ATP8A1: variants seen among roughly 807,000 people sequenced by gnomAD.
ATP8A1 encodes the protein phospholipid-transporting ATPase IA.
A neutral mutation model predicts 177.7 loss-of-function variants in ATP8A1; 90 were observed. That is an observed-to-expected ratio of 0.51 (90% CI 0.43 to 0.60). The LOEUF (loss-of-function observed/expected upper bound fraction) is 0.60, where lower values mean the gene tolerates loss of function less well. Among genes scored for constraint, ATP8A1 ranks in the 20% least tolerant of loss-of-function variants. The pLI is 0.00. For synonymous variants in ATP8A1, 493 were observed against 485.9 expected (o/e 1.01, Z -0.19); for missense variants, 1,072 against 1,392.8 (o/e 0.77, Z 3.67).
At chr4:42,594,467 C>T (rs888227754) in intron 6 of ATP8A1, 4 of 654,822 alleles carry the variant, frequency 6.1e-6, no homozygotes, top group Non-Finnish European at 1.1e-5. Context: ...TGGTTATCGG[C>T]AAACAAGAAC....
Position 42,411,382 on chromosome 4 carries a change from T to A in ATP8A1, c.*1534A>T, listed in dbSNP as rs1367036795. On this transcript the variant is annotated 3_prime_UTR_variant, in exon 37 of 37. Coordinates refer to ENST00000381668, the MANE Select transcript of ATP8A1 (RefSeq NM_006095.2). ...TCACCTCTTCTCAATTCTAGTTGACTTTTTTTAAAAGAGAAAGTTCTACCT... is the reference window on the plus strand; with the variant it reads ...TCACCTCTTCTCAATTCTAGTTGACATTTTTTAAAAGAGAAAGTTCTACCT... The A allele has an allele frequency of 6.6e-6, 1 of 152,130 alleles. No individual in the cohort carries two copies. Among genetic ancestry groups the A allele is most frequent in the African/African-American group, 2.4e-5 (1 of 41,456 alleles). 9.4% of individuals were successfully genotyped at this position (152,130 alleles called of 1,614,324 possible).
intron 4 of ATP8A1, among the ~76,000 whole-genome samples, chr4:42,617,145 A>G (rs1158035793): frequency 6.6e-6 from 1 of 152,238 alleles, no homozygotes; most frequent in African/African-American, 2.4e-5. Context: ...AAAACACTGC[A>G]AGAGAAAAAT....
intron 20 of ATP8A1, among the ~76,000 whole-genome samples, chr4:42,530,498 A>G (rs1727156210): frequency 6.6e-6 from 1 of 152,198 alleles, no homozygotes; most frequent in South Asian, 2.1e-4. Flanking sequence ...GGCACTTACT[A>G]AAGAAGTGTG....
chr4:42,457,919 CCTACTGAAAGGTAGGTGAACATGTTT>C (rs1440084710), intron 27 of ATP8A1, among the ~76,000 whole-genome samples: 1 of 152,064 alleles, frequency 6.6e-6, no homozygotes, highest in Non-Finnish European at 1.5e-5. Flanking sequence ...TTTTATTTTT[CCTACTGAAAGGTAGGTGAACATGTTT>C]TTAGAAAATG....
At chr4:42,527,275 G>A (rs34565918) in intron 20 of ATP8A1, among the ~76,000 whole-genome samples, 14,761 of 152,244 alleles carry the variant, frequency 0.097, 924 homozygotes, top group Middle Eastern at 0.16. Flanking sequence ...AGGTGCATGC[G>A]TAGCCTCAAC....
chr4:42,651,056 C>T (rs190416185), intron 1 of ATP8A1, among the ~76,000 whole-genome samples: 155 of 152,312 alleles, frequency 1.0e-3, no homozygotes, highest in Non-Finnish European at 1.9e-3. Context: ...GTGAATAAGT[C>T]TCACAAGATC....
Position 42,641,502 on chromosome 4 carries a change from C to CT in ATP8A1, c.50-14394dup, listed in dbSNP as rs71648739. Among the ~76,000 whole-genome samples, 1,159 of 147,484 alleles carry CT rather than the reference C, an allele frequency of 7.9e-3. 5 individuals are homozygous for CT. Among genetic ancestry groups the CT allele is most frequent in the Middle Eastern group, 0.036 (10 of 280 alleles). ...CCAAGGATTCTATCCTTTTAAATTTCTTTTTTTTTTTTAAGACAACTATAA... is the reference window on the plus strand; with the variant it reads ...CCAAGGATTCTATCCTTTTAAATTTCTTTTTTTTTTTTTAAGACAACTATAA... On this transcript the variant is annotated intron_variant, in intron 1 of 36. Transcript: ENST00000381668.
In ATP8A1 at chr4:42,633,235, T is replaced by C. The variant is rs868438235; in HGVS notation, c.50-6126A>G. Among the ~76,000 whole-genome samples the C allele has an allele frequency of 2.0e-5, 3 of 152,344 alleles. No individual in the cohort carries two copies. The South Asian group carries it at 6.2e-4, about 32-fold the overall frequency. ...TTGCTGAGAATGACGACACAGAGTC[T>C]TCCTTTCTTCATCTGCCCAGATTCA... On this transcript the variant is annotated intron_variant, in intron 1 of 36. Transcript: ENST00000381668.
intron 1 of ATP8A1, among the ~76,000 whole-genome samples, chr4:42,642,793 C>T (rs1039755160): frequency 2.6e-5 from 4 of 152,134 alleles, no homozygotes; most frequent in Non-Finnish European, 5.9e-5. Flanking sequence ...AAATTAGCTC[C>T]CTAGACCTGC....
chr4:42,602,189 A>C (rs1735351331), intron 5 of ATP8A1, among the ~76,000 whole-genome samples: 1 of 152,368 alleles, frequency 6.6e-6, no homozygotes, highest in African/African-American at 2.4e-5. Flanking sequence ...CAGAAGTTAA[A>C]GTACCAATTT....
At chr4:42,648,433 C>T (rs1418538294) in intron 1 of ATP8A1, among the ~76,000 whole-genome samples, 1 of 151,918 alleles carries the variant, frequency 6.6e-6, no homozygotes, top group African/African-American at 2.4e-5. Context: ...TACGGAAGCA[C>T]CTCAAATCAG....
In ATP8A1 at chr4:42,563,253, A is replaced by C. The variant is rs1012624557; in HGVS notation, c.1340+5908T>G. ...AGAAAAGGTGACTCTTGTTATGTTT[A>C]ACAAAGAGACTGGCAGCATTTTGCC... On this transcript the variant is annotated intron_variant, in intron 15 of 36. Transcript: ENST00000381668. 1.1e-4 allele frequency among the ~76,000 whole-genome samples: 17 copies of C among 152,322 alleles called. No homozygotes were observed. The South Asian group carries it at 1.2e-3, about 11-fold the overall frequency.
At chr4:42,469,080 G>C (rs1720116684) in intron 25 of ATP8A1, among the ~76,000 whole-genome samples, 1 of 152,082 alleles carries the variant, frequency 6.6e-6, no homozygotes, top group Non-Finnish European at 1.5e-5. Context: ...CACTAAAATG[G>C]AGACCAGAAT....
intron 36 of ATP8A1, among the ~76,000 whole-genome samples, chr4:42,414,285 G>C (rs1712972064): frequency 6.6e-6 from 1 of 152,176 alleles, no homozygotes; most frequent in Non-Finnish European, 1.5e-5. Flanking sequence ...AAGCTGAAAG[G>C]CTCTTGCAAA....
intron 24 of ATP8A1, among the ~76,000 whole-genome samples, chr4:42,486,076 C>T (rs1050241158): frequency 2.6e-5 from 4 of 152,142 alleles, no homozygotes; most frequent in African/African-American, 9.7e-5. Flanking sequence ...AGGGTACACT[C>T]GCCAGCAGTT....
At chr4:42,633,374 C>A (rs909560159) in intron 1 of ATP8A1, among the ~76,000 whole-genome samples, 1 of 152,166 alleles carries the variant, frequency 6.6e-6, no homozygotes. Context: ...TGAAATATTC[C>A]ATTTTTCATC....
At chr4:42,641,542 C>T (rs539786074) in intron 1 of ATP8A1, among the ~76,000 whole-genome samples, 77 of 151,872 alleles carry the variant, frequency 5.1e-4, no homozygotes, top group Non-Finnish European at 1.0e-3. Flanking sequence ...ATTGAGAGAA[C>T]CACTGATACA....
chr4:42,477,833 A>G (rs28562351), intron 25 of ATP8A1, among the ~76,000 whole-genome samples: 6,014 of 151,224 alleles, frequency 0.04, 197 homozygotes, highest in South Asian at 0.089. Context: ...AAGTTTAAAA[A>G]TTAGCTGGGA....
At chr4:42,520,569 G>A (rs1560416249) in intron 22 of ATP8A1, among the ~76,000 whole-genome samples, 1 of 152,040 alleles carries the variant, frequency 6.6e-6, no homozygotes, top group Non-Finnish European at 1.5e-5. Flanking sequence ...GGAGTGGGGA[G>A]GGAAGAAGTG....
Sources: gnomAD v4.1 joint callset for allele counts (sites outside exome capture counted in the v4.1 genomes callset) on GRCh38, gnomAD v4.1.1 for gene constraint, MANE v1.5 for transcripts, NCBI Gene and HGNC (gene_info 2026-07-23, HGNC 2026-07-21) for gene names.